The following EEPD1 variants were observed in gnomAD, a reference collection of about 807,000 sequenced individuals.
The protein encoded by EEPD1 is endonuclease/exonuclease/phosphatase family domain-containing protein 1.
Under a neutral mutation model 46.3 loss-of-function variants are expected in EEPD1, and 17 were observed. The ratio of observed to expected loss-of-function variants is 0.37; its 90% CI spans 0.25 to 0.55. The LOEUF (loss-of-function observed/expected upper bound fraction) is 0.55. EEPD1 is among the 20% of genes least tolerant of loss of function. The pLI, the probability that EEPD1 is intolerant of heterozygous loss-of-function variation, is 0.83. For missense variants in EEPD1, 673 were observed against 745.6 expected, an observed-to-expected ratio of 0.90 and a Z score of 1.13; for synonymous variants, 313 against 315.6, an observed-to-expected ratio of 0.99 and a Z score of 0.09.
intron 2 of EEPD1, among the ~76,000 whole-genome samples, chr7:36,175,353 C>G (rs772617634): frequency 7.9e-5 from 12 of 152,310 alleles, no homozygotes; most frequent in Admixed American, 2.6e-4. Flanking sequence ...ACCTCAGCCT[C>G]CCGAGCAGCT....
At chr7:36,283,902 C>T (rs565591105) in intron 4 of EEPD1, among the ~76,000 whole-genome samples, 1 of 152,300 alleles carries the variant, frequency 6.6e-6, no homozygotes, top group South Asian at 2.1e-4. Context: ...TCCCAGGCAG[C>T]GGGTGCTGAG....
intron 3 of EEPD1, among the ~76,000 whole-genome samples, chr7:36,269,371 T>C (rs1212283088): frequency 1.3e-5 from 2 of 151,928 alleles, no homozygotes; most frequent in South Asian, 4.1e-4. Flanking sequence ...AAGGAAAGAG[T>C]CAAGCCAGGT....
chr7:36,184,124 A>G (rs528419052), intron 2 of EEPD1, among the ~76,000 whole-genome samples: 28 of 152,244 alleles, frequency 1.8e-4, no homozygotes, highest in African/African-American at 3.9e-4. Context: ...TCAATTTGCT[A>G]TTGTCAAGTG....
At chr7:36,296,157 G>A (rs1041929084) in intron 6 of EEPD1, among the ~76,000 whole-genome samples, 1 of 151,924 alleles carries the variant, frequency 6.6e-6, no homozygotes, top group African/African-American at 2.4e-5. Context: ...TCAACATGAT[G>A]GATGGATGGA....
At chr7:36,244,001 AC>A (rs1786598041) in intron 3 of EEPD1, among the ~76,000 whole-genome samples, 1 of 118,030 alleles carries the variant, frequency 8.5e-6, no homozygotes, top group Non-Finnish European at 1.9e-5. Flanking sequence ...TACATATGTA[AC>A]TAACCTGCAC....
At chr7:36,249,541 G>T (rs182280734) in intron 3 of EEPD1, among the ~76,000 whole-genome samples, 62 of 152,290 alleles carry the variant, frequency 4.1e-4, no homozygotes, top group Admixed American at 5.9e-4. Flanking sequence ...AAAAAAATCC[G>T]TGGTAGGTCT....
At chr7:36,172,946 A>C (rs1785113752) in intron 2 of EEPD1, among the ~76,000 whole-genome samples, 1 of 152,040 alleles carries the variant, frequency 6.6e-6, no homozygotes, top group African/African-American at 2.4e-5. Flanking sequence ...ACTGAGCCCC[A>C]AGTGGGTGGG....
intron 3 of EEPD1, 86 bp from the exon 4 acceptor site, chr7:36,281,029 T>G: frequency 9.4e-7 from 1 of 1,058,426 alleles, no homozygotes; most frequent in Non-Finnish European, 1.4e-6. Context: ...CTCAGAATCA[T>G]GCAGTGCCTG....
intron 2 of EEPD1, among the ~76,000 whole-genome samples, chr7:36,167,414 C>T (rs946243947): frequency 1.3e-5 from 2 of 152,132 alleles, no homozygotes; most frequent in African/African-American, 4.8e-5. Flanking sequence ...CCTGGAGTGA[C>T]ACACTGCTCT....
At chr7:36,171,652 A>T (rs1376961822) in intron 2 of EEPD1, among the ~76,000 whole-genome samples, 1 of 152,218 alleles carries the variant, frequency 6.6e-6, no homozygotes, top group East Asian at 1.9e-4. Flanking sequence ...CCATCTTTCA[A>T]AATAGATCTT....
chr7:36,274,107 G>A (rs1172295873), intron 3 of EEPD1, among the ~76,000 whole-genome samples: 2 of 152,240 alleles, frequency 1.3e-5, no homozygotes, highest in Non-Finnish European at 2.9e-5. Context: ...CTGCGTTTGC[G>A]CTGGAGCAAA....
chr7:36,263,339 G>C (rs141008870), intron 3 of EEPD1, among the ~76,000 whole-genome samples: 2 of 152,058 alleles, frequency 1.3e-5, no homozygotes, highest in Admixed American at 6.6e-5. Context: ...TCAAGGGAGG[G>C]GGGGGAAAAA....
chr7:36,289,406 C>T (rs180841937), intron 6 of EEPD1, among the ~76,000 whole-genome samples: 1 of 152,262 alleles, frequency 6.6e-6, no homozygotes, highest in East Asian at 1.9e-4. Flanking sequence ...CTCTAGGTGC[C>T]CCAAATAAGT....
intron 3 of EEPD1, among the ~76,000 whole-genome samples, chr7:36,265,046 G>C (rs1361243066): frequency 6.6e-6 from 1 of 152,112 alleles, no homozygotes; most frequent in Non-Finnish European, 1.5e-5. Flanking sequence ...TTTCACCCAG[G>C]GCTTTGAAGC....
intron 2 of EEPD1, among the ~76,000 whole-genome samples, chr7:36,238,223 A>G (rs865839988): frequency 7.2e-5 from 11 of 152,248 alleles, no homozygotes; most frequent in African/African-American, 2.6e-4. Flanking sequence ...TTTTGTGGCC[A>G]TCTTGGTTTT....
chr7:36,163,640 G>A (rs1784936026), intron 2 of EEPD1, among the ~76,000 whole-genome samples: 1 of 152,200 alleles, frequency 6.6e-6, no homozygotes, highest in South Asian at 2.1e-4. Context: ...AGCACTTTGG[G>A]AGGCCGAGGC....
intron 3 of EEPD1, among the ~76,000 whole-genome samples, chr7:36,272,642 CACTT>C (rs879634117): frequency 6.6e-6 from 1 of 151,968 alleles, no homozygotes; most frequent in African/African-American, 2.4e-5. Flanking sequence ...ACGTGGGTGT[CACTT>C]ACCTTGGTTC....
At chr7:36,292,071 C>T (rs1411800417) in intron 6 of EEPD1, among the ~76,000 whole-genome samples, 1 of 152,216 alleles carries the variant, frequency 6.6e-6, no homozygotes, top group Non-Finnish European at 1.5e-5. Context: ...ATTTAACTTC[C>T]ACTGTGTGTC....
chr7:36,218,712 G>A (rs1055068438), intron 2 of EEPD1, among the ~76,000 whole-genome samples: 1 of 152,202 alleles, frequency 6.6e-6, no homozygotes, highest in African/African-American at 2.4e-5. Flanking sequence ...AAGTGAAACT[G>A]CAGATATGGG....
Sources: allele counts gnomAD v4.1 joint callset (sites outside exome capture counted in the v4.1 genomes callset), GRCh38; gene constraint gnomAD v4.1.1; transcripts MANE v1.5; gene names NCBI Gene and HGNC (gene_info 2026-07-23, HGNC 2026-07-21).